Variants in FAM185A observed in about 807,000 individuals in gnomAD.
FAM185A encodes family with sequence similarity 185 member A, also known as protein FAM185A.
A neutral mutation model predicts 45.7 loss-of-function variants in FAM185A; 21 were observed. That is an observed-to-expected ratio of 0.46 (90% CI 0.33 to 0.66). The LOEUF (loss-of-function observed/expected upper bound fraction) is 0.66. FAM185A is among the 30% of genes least tolerant of loss of function. FAM185A has a pLI of 0.03. For synonymous variants in FAM185A, 117 were observed against 194.0 expected, an observed-to-expected ratio of 0.60 and a Z score of 3.30; for missense variants, 305 against 485.4, an observed-to-expected ratio of 0.63 and a Z score of 3.49.
At chr7:102,822,233 T>C in the FAM185A span, 3 of 1,607,266 alleles carry the variant, frequency 1.9e-6, no homozygotes, top group African/African-American at 2.7e-5. Context: ...AAGTACTGGT[T>C]ATTCAAACAC....
chr7:102,752,656 G>T (rs1445758986), intron 2 of FAM185A, among the ~76,000 whole-genome samples: 1 of 151,356 alleles, frequency 6.6e-6, no homozygotes, highest in Non-Finnish European at 1.5e-5. Flanking sequence ...GCACTCATGG[G>T]CTCAAGTGAT....
intron 7 of FAM185A, among the ~76,000 whole-genome samples, chr7:102,808,041 A>G (rs1797237760): frequency 6.6e-6 from 1 of 152,240 alleles, no homozygotes. Context: ...AGCCTGGGCA[A>G]CAGAGTGACA....
intron 6 of FAM185A, among the ~76,000 whole-genome samples, chr7:102,779,047 A>T (rs1205484615): frequency 6.6e-6 from 1 of 152,222 alleles, no homozygotes; most frequent in Non-Finnish European, 1.5e-5. Flanking sequence ...TGGGCCTGGG[A>T]GTCACACCTG....
the FAM185A span, chr7:102,816,050 A>G: frequency 8.5e-5 from 13 of 152,234 alleles, no homozygotes; most frequent in African/African-American, 2.9e-4. Context: ...TGAAGTGCCC[A>G]CTGGTATATG....
the FAM185A span, among the ~76,000 whole-genome samples, chr7:102,830,624 T>C: frequency 1.8e-4 from 28 of 152,212 alleles, no homozygotes; most frequent in Non-Finnish European, 3.7e-4. Flanking sequence ...CACATCTTTT[T>C]CCCTGCTGCC....
chr7:102,830,785 C>T, the FAM185A span, among the ~76,000 whole-genome samples: 4 of 152,180 alleles, frequency 2.6e-5, no homozygotes, highest in African/African-American at 9.7e-5. Context: ...TAGAAGAGAA[C>T]ACGATTGTTA....
chr7:102,846,167 G>A, the FAM185A span, among the ~76,000 whole-genome samples: 1 of 151,852 alleles, frequency 6.6e-6, no homozygotes, highest in African/African-American at 2.4e-5. Flanking sequence ...TTATATATCT[G>A]CCTAACCCAC....
chr7:102,804,007 C>T (rs1160940415), intron 7 of FAM185A, among the ~76,000 whole-genome samples: 1 of 152,048 alleles, frequency 6.6e-6, no homozygotes. Context: ...AGGAAAACTA[C>T]AAAACATTGC....
chr7:102,796,543 G>A (rs988147301), intron 7 of FAM185A, among the ~76,000 whole-genome samples: 8 of 152,232 alleles, frequency 5.3e-5, no homozygotes, highest in Admixed American at 1.3e-4. Context: ...AGTTCAGCCT[G>A]TACCTAGAAA....
Position 102,749,519 on chromosome 7 carries a change from G to T in FAM185A, c.312G>T (p.Ala104=). 1 of 1,522,080 alleles carries T rather than the reference G, an allele frequency of 6.6e-7. No homozygotes were observed. The highest frequency in any genetic ancestry group is 1.3e-5 in the South Asian group (1 of 78,622). The allele number at this position is 1,522,080 out of a possible 1,614,324, so 94.3% of individuals were successfully genotyped here. Residue 104 remains alanine (A), a synonymous_variant, in exon 1 of 8, where the codon GCG becomes GCT. Transcript: ENST00000413034. ...TYPDGDRVLV[A]VCGVEGGVRG... ...CGGATGGCGACCGCGTGCTGGTCGC[G>T]GTGTGCGGCGTGGAGGGCGGCGTGC...
chr7:102,841,454 A>C, the FAM185A span, among the ~76,000 whole-genome samples: 12 of 152,192 alleles, frequency 7.9e-5, no homozygotes, highest in African/African-American at 2.9e-4. Flanking sequence ...CAGTTGTCTG[A>C]GAGTGGTTCT....
At chr7:102,810,507 C>T (rs1001963385), downstream of FAM185A, among the ~76,000 whole-genome samples, 1 of 151,746 alleles carries the variant, frequency 6.6e-6, no homozygotes, top group Non-Finnish European at 1.5e-5. Context: ...GCTGGGATTA[C>T]AGGTGTGAGC....
Position 102,808,326 on chromosome 7 carries a change from T to A in FAM185A, c.1103T>A (p.Ile368Asn). 1.3e-6 allele frequency: 2 copies of A among 1,551,838 alleles called. No homozygotes were observed. The highest frequency in any genetic ancestry group is 1.7e-6 in the Non-Finnish European group (2 of 1,147,006). Residue 368 changes from isoleucine (I) to asparagine (N), a missense_variant, in exon 8 of 8, where the codon ATT becomes AAT. Ile to Asn is a moderately radical substitution (Grantham distance 149). Coordinates refer to ENST00000413034, the MANE Select transcript of FAM185A (RefSeq NM_001145268.2). The stretch of plus-strand genomic sequence containing the variant: ...CAAGCAAGCAAACGTGAAAAATGGA[T>A]TAAGGCTGATGCCCCAAAAGGCACT... Reference protein sequence around the residue: ...MNQASKREKWIKADAPKGTVS... With the variant: ...MNQASKREKWNKADAPKGTVS...
intron 4 of FAM185A, among the ~76,000 whole-genome samples, chr7:102,765,581 A>G (rs1332407634): frequency 1.3e-5 from 2 of 152,104 alleles, no homozygotes; most frequent in Admixed American, 6.5e-5. Context: ...AAGGAGCAAT[A>G]TATCTTTCCT....
rs1439232153 is a variant in FAM185A, at chr7:102,749,080, T to C, written c.-128T>C. The C allele has an allele frequency of 7.2e-7, 1 of 1,383,570 alleles. No individual in the cohort carries two copies. Among genetic ancestry groups the C allele is most frequent in the African/African-American group, 1.4e-5 (1 of 69,886 alleles). The allele number at this position is 1,383,570 out of a possible 1,614,324, so 85.7% of individuals were successfully genotyped here. On this transcript the variant is annotated 5_prime_UTR_variant, in exon 1 of 8. Coordinates refer to ENST00000413034, the MANE Select transcript of FAM185A (RefSeq NM_001145268.2). ...CTAGTCAAGCCAACCGGCTCGCTCT[T>C]GTTTCAGCAAACCCTGACTTACGTC... is the stretch of plus-strand genomic sequence containing the variant.
chr7:102,760,731 C>T lies in FAM185A; in HGVS notation c.655-542C>T, dbSNP rs143631950. On this transcript the variant is annotated intron_variant, in intron 3 of 7. Transcript: ENST00000413034. The stretch of plus-strand genomic sequence containing the variant: ...TCACTGTTGAATTGCGGGCCTGAGA[C>T]AGATGGTTAAGGCAAGAAAAAGAAA... Among the ~76,000 whole-genome samples, 765 of 151,456 alleles carry T rather than the reference C, an allele frequency of 5.1e-3. 4 individuals carry two copies. The highest frequency in any genetic ancestry group is 0.018 in the African/African-American group (732 of 41,194).
intron 7 of FAM185A, among the ~76,000 whole-genome samples, chr7:102,804,787 G>C (rs1358726312): frequency 3.3e-5 from 5 of 152,134 alleles, no homozygotes; most frequent in African/African-American, 7.2e-5. Flanking sequence ...CTATACATCT[G>C]ACAAAGGACT....
chr7:102,829,070 G>A, the FAM185A span, among the ~76,000 whole-genome samples: 9 of 152,108 alleles, frequency 5.9e-5, no homozygotes, highest in African/African-American at 1.7e-4. Context: ...ACATCTTTCC[G>A]TGCTTCAGCC....
At chr7:102,821,590 A>T in the FAM185A span, among the ~76,000 whole-genome samples, 18 of 152,322 alleles carry the variant, frequency 1.2e-4, no homozygotes, top group South Asian at 3.5e-3. Context: ...CTTCTATGTC[A>T]GGGAATGGTC....
Sources: gnomAD v4.1 joint callset for allele counts (sites outside exome capture counted in the v4.1 genomes callset) on GRCh38, gnomAD v4.1.1 for gene constraint, MANE v1.5 for transcripts, NCBI Gene and HGNC (gene_info 2026-07-23, HGNC 2026-07-21) for gene names.